The following ADGB variants were observed in gnomAD, a reference collection of about 807,000 sequenced individuals.
The protein encoded by ADGB is calpain-7-like protein.
In ADGB, 172 loss-of-function variants were observed where a neutral mutation model predicts 210.5. That is an observed-to-expected ratio of 0.82 (90% CI 0.72 to 0.93). ADGB has a LOEUF of 0.93. ADGB is among the 40% of genes least tolerant of loss of function. The probability of loss-of-function intolerance (pLI) is 0.00; values close to 1 mark genes in which losing one functional copy is unlikely to be tolerated. For synonymous variants in ADGB, 658 were observed against 662.7 expected (o/e 0.99, Z 0.11); for missense variants, 2,025 against 1,964.8 (o/e 1.03, Z -0.58).
intron 1 of ADGB, among the ~76,000 whole-genome samples, chr6:146,615,493 A>C (rs1348886456): frequency 1.3e-5 from 2 of 152,198 alleles, no homozygotes; most frequent in African/African-American, 4.8e-5. Flanking sequence ...ATTATTGTTA[A>C]ATATAGTCAC....
In ADGB at chr6:146,740,534, T is replaced by TA; in HGVS notation, c.2964_2965insA (p.Ala989SerfsTer48). ...AAGATGAAGAAACTAAGATTGCTTT[T>TA]GCAGATTATACTGTGACTTATCAAG... On this transcript the variant is annotated frameshift_variant, in exon 24 of 36. Coordinates refer to ENST00000397944, the MANE Select transcript of ADGB (RefSeq NM_024694.4). LOFTEE classifies it high-confidence loss of function. 6.4e-7 allele frequency: 1 copy of TA among 1,550,812 alleles called. No individual in the cohort carries two copies. The highest frequency in any genetic ancestry group is 8.7e-7 in the Non-Finnish European group (1 of 1,146,464).
chr6:146,774,857 C>T (rs965582785), intron 29 of ADGB, among the ~76,000 whole-genome samples: 1 of 152,084 alleles, frequency 6.6e-6, no homozygotes, highest in African/African-American at 2.4e-5. Flanking sequence ...TTTGCAACCT[C>T]CTCCTCCTGG....
chr6:146,781,343 A>G (rs1777797017), intron 29 of ADGB, among the ~76,000 whole-genome samples: 1 of 151,374 alleles, frequency 6.6e-6, no homozygotes, highest in African/African-American at 2.4e-5. Context: ...ACTCCATCTC[A>G]AAAGAAAAAG....
chr6:146,750,463 C>T (rs561991465), intron 26 of ADGB, among the ~76,000 whole-genome samples: 6 of 152,072 alleles, frequency 3.9e-5, no homozygotes, highest in South Asian at 4.2e-4. Context: ...GAGTCTGACG[C>T]GGAAATATCA....
chr6:146,613,841 A>C (rs1425889770), intron 1 of ADGB, among the ~76,000 whole-genome samples: 1 of 151,998 alleles, frequency 6.6e-6, no homozygotes, highest in African/African-American at 2.4e-5. Flanking sequence ...AGTGCTTTTA[A>C]GTTTTAAATA....
At chr6:146,732,899 T>C (rs1777015342) in intron 20 of ADGB, among the ~76,000 whole-genome samples, 1 of 152,014 alleles carries the variant, frequency 6.6e-6, no homozygotes, top group Admixed American at 6.6e-5. Flanking sequence ...GTCTATATTA[T>C]AAACGTTGTA....
intron 10 of ADGB, among the ~76,000 whole-genome samples, chr6:146,690,311 A>T (rs1453975349): frequency 2.0e-5 from 3 of 152,198 alleles, no homozygotes; most frequent in Admixed American, 1.3e-4. Context: ...GAGACAACAT[A>T]ATTAGGAAGA....
At chr6:146,744,322 T>C (rs139848482) in intron 25 of ADGB, among the ~76,000 whole-genome samples, 9 of 152,332 alleles carry the variant, frequency 5.9e-5, no homozygotes, top group African/African-American at 2.2e-4. Flanking sequence ...TGGCTAATTC[T>C]GCCCAGCAGG....
intron 22 of ADGB, among the ~76,000 whole-genome samples, 199 bp downstream of exon 22, chr6:146,734,229 C>T (rs989921339): frequency 1.3e-5 from 2 of 152,168 alleles, no homozygotes; most frequent in Non-Finnish European, 2.9e-5. Flanking sequence ...GTGCCTGGTG[C>T]ATCATAAGCA....
Position 146,691,251 on chromosome 6 carries a change from C to T in ADGB, c.1447C>T (p.Arg483Cys), listed in dbSNP as rs776042989. 38 of 1,545,120 alleles carry T rather than the reference C, an allele frequency of 2.5e-5. No individual in the cohort carries two copies. In the African/African-American group the frequency reaches 3.4e-4, roughly 14 times the overall value. Reference sequence around the variant, plus strand: ...TCCTCTACCTCCCTGGAAACTCATTCGTCAAAAAAAGGAAACTGTTATAAC... The same window carrying T: ...TCCTCTACCTCCCTGGAAACTCATTTGTCAAAAAAAGGAAACTGTTATAAC... ...PPPLPPWKLI[R>C]QKKETVITDE... The change falls in exon 11 of 36, where the codon CGT becomes TGT. Residue 483 changes from arginine (R) to cysteine (C), a missense_variant. Arg to Cys is a radical substitution (Grantham distance 180). Coordinates refer to ENST00000397944, the MANE Select transcript of ADGB (RefSeq NM_024694.4).
chr6:146,674,769 G>A (rs766688801), intron 8 of ADGB, among the ~76,000 whole-genome samples: 2 of 152,100 alleles, frequency 1.3e-5, no homozygotes, highest in Non-Finnish European at 2.9e-5. Flanking sequence ...CAGATGGGTG[G>A]GATGAAATGA....
intron 9 of ADGB, among the ~76,000 whole-genome samples, chr6:146,682,701 A>C (rs1776174123): frequency 6.6e-6 from 1 of 152,138 alleles, no homozygotes; most frequent in African/African-American, 2.4e-5. Context: ...TATATAATAA[A>C]ATCAAAATGC....
intron 27 of ADGB, among the ~76,000 whole-genome samples, chr6:146,756,445 T>C (rs1777407385): frequency 6.6e-6 from 1 of 151,790 alleles, no homozygotes; most frequent in African/African-American, 2.4e-5. Flanking sequence ...TTAATCAAGA[T>C]TTTAACACTG....
intron 8 of ADGB, among the ~76,000 whole-genome samples, chr6:146,675,449 T>C (rs1776071718): frequency 6.6e-6 from 1 of 151,854 alleles, no homozygotes; most frequent in Admixed American, 6.6e-5. Flanking sequence ...CACTCCAGCC[T>C]GGGTGGCAGA....
At chr6:146,627,632 C>T (rs1780996280) in intron 1 of ADGB, among the ~76,000 whole-genome samples, 2 of 152,054 alleles carry the variant, frequency 1.3e-5, no homozygotes, top group Non-Finnish European at 2.9e-5. Context: ...TCCTCAGATT[C>T]TCTCAGGTAC....
intron 8 of ADGB, among the ~76,000 whole-genome samples, chr6:146,674,077 C>T (rs1041235930): frequency 2.0e-5 from 3 of 151,998 alleles, no homozygotes; most frequent in African/African-American, 7.3e-5. Context: ...GTTGCAGGAA[C>T]CAGAGATTGT....
At chr6:146,641,902 A>C (rs1775521502) in intron 2 of ADGB, among the ~76,000 whole-genome samples, 1 of 152,170 alleles carries the variant, frequency 6.6e-6, no homozygotes, top group Non-Finnish European at 1.5e-5. Flanking sequence ...AAAATTGACA[A>C]GTGGATCTAA....
At chr6:146,803,609 C>G (rs1393873698) in intron 35 of ADGB, 1 of 1,344,860 alleles carries the variant, frequency 7.4e-7, no homozygotes, top group African/African-American at 1.5e-5. Flanking sequence ...ATGTTCTTAT[C>G]AGTGAAATTA....
chr6:146,809,973 T>G (rs1778280281), intron 35 of ADGB, among the ~76,000 whole-genome samples: 1 of 150,866 alleles, frequency 6.6e-6, no homozygotes, highest in Admixed American at 6.6e-5. Context: ...TACATAAAAA[T>G]AAAAAGCTGC....
Sources: allele counts gnomAD v4.1 joint callset (sites outside exome capture counted in the v4.1 genomes callset), GRCh38; gene constraint gnomAD v4.1.1; transcripts MANE v1.5; gene names NCBI Gene and HGNC (gene_info 2026-07-23, HGNC 2026-07-21).